Variants in SEL1L3 observed in about 807,000 individuals in gnomAD.
The protein encoded by SEL1L3 is SEL1L family member 3.
A neutral mutation model predicts 142.8 loss-of-function variants in SEL1L3; 76 were observed. The ratio of observed to expected loss-of-function variants is 0.53; its 90% CI spans 0.44 to 0.64. The LOEUF (loss-of-function observed/expected upper bound fraction) is 0.64, where lower values mean the gene tolerates loss of function less well. SEL1L3 is among the 30% of genes least tolerant of loss of function. SEL1L3 has a pLI of 0.00. For missense variants in SEL1L3, 1,262 were observed against 1,381.7 expected (o/e 0.91, Z 1.37); for synonymous variants, 504 against 519.6 (o/e 0.97, Z 0.41).
intron 23 of SEL1L3, chr4:25,756,744 T>C: frequency 8.9e-7 from 1 of 1,127,178 alleles, no homozygotes; most frequent in Non-Finnish European, 1.1e-6. Context: ...ACTTTACGAT[T>C]CCTGCTCAGT....
chr4:25,794,181 A>T (rs1712548551), intron 11 of SEL1L3, among the ~76,000 whole-genome samples: 1 of 152,268 alleles, frequency 6.6e-6, no homozygotes, highest in Admixed American at 6.5e-5. Flanking sequence ...AATGGGATGA[A>T]TTAAACTAAA....
chr4:25,838,205 T>C (rs764124946), intron 2 of SEL1L3, among the ~76,000 whole-genome samples: 1 of 152,212 alleles, frequency 6.6e-6, no homozygotes, highest in Non-Finnish European at 1.5e-5. Flanking sequence ...TTCAAATCCT[T>C]TCCCCACATT....
chr4:25,733,781 C>T, the SEL1L3 span, among the ~76,000 whole-genome samples: 1 of 152,094 alleles, frequency 6.6e-6, no homozygotes, highest in Non-Finnish European at 1.5e-5. Context: ...TCCCAAAGTT[C>T]TGGGATTACC....
intron 17 of SEL1L3, among the ~76,000 whole-genome samples, chr4:25,773,088 C>G (rs938023883): frequency 6.6e-6 from 1 of 152,216 alleles, no homozygotes; most frequent in African/African-American, 2.4e-5. Flanking sequence ...TGCACCACCA[C>G]GCCCAGCAAG....
chr4:25,799,248 C>T (rs9968363), intron 11 of SEL1L3, among the ~76,000 whole-genome samples: 93,636 of 151,804 alleles, frequency 0.62, 29,307 homozygotes, highest in South Asian at 0.76. Context: ...CTAGTTTTTG[C>T]ATTTTTAGTA....
intron 8 of SEL1L3, among the ~76,000 whole-genome samples, chr4:25,819,427 T>G (rs977516526): frequency 6.6e-6 from 1 of 152,226 alleles, no homozygotes; most frequent in African/African-American, 2.4e-5. Flanking sequence ...AAAACAAAAG[T>G]GCACTGATGG....
At chr4:25,715,015 C>T in the SEL1L3 span, among the ~76,000 whole-genome samples, 1 of 152,016 alleles carries the variant, frequency 6.6e-6, no homozygotes, top group African/African-American at 2.4e-5. Context: ...TGGGAACAAC[C>T]ACTACAACTT....
chr4:25,782,526 C>T (rs1720074711), intron 14 of SEL1L3, 108 bp from the exon 15 acceptor site: 2 of 951,218 alleles, frequency 2.1e-6, no homozygotes, highest in Non-Finnish European at 3.1e-6. Flanking sequence ...AAAACCTTCC[C>T]TTTCTCTTAT....
rs971347857 is a variant in SEL1L3, at chr4:25,853,277, C to A, written c.163-5413G>T. On this transcript the variant is annotated intron_variant, in intron 1 of 23. Transcript: ENST00000399878. ...AAATAAAAATAAGAAGGCATATACA[C>A]ATTTCACCGTGTACTCTCCACAGAG... 5.3e-5 allele frequency among the ~76,000 whole-genome samples: 8 copies of A among 152,214 alleles called. No individual in the cohort carries two copies. The East Asian group carries it at 1.3e-3, about 26-fold the overall frequency.
intron 13 of SEL1L3, 21 bp from the exon 14 acceptor site, chr4:25,784,311 A>G: frequency 6.2e-7 from 1 of 1,600,996 alleles, no homozygotes; most frequent in Non-Finnish European, 8.6e-7. Context: ...ATAAACAGCG[A>G]TGATTACAAA....
At chr4:25,759,963 T>A (rs1718265246) in intron 20 of SEL1L3, 1 of 152,222 alleles carries the variant, frequency 6.6e-6, no homozygotes, top group South Asian at 2.1e-4. Context: ...CATGTACAGG[T>A]TTGTCATACA....
At chr4:25,849,882 C>G (rs1484768672) in intron 1 of SEL1L3, among the ~76,000 whole-genome samples, 1 of 152,146 alleles carries the variant, frequency 6.6e-6, no homozygotes, top group Non-Finnish European at 1.5e-5. Context: ...GTGTTCCCAT[C>G]AAACTGTAAA....
At chr4:25,781,865 A>G (rs1280072689) in intron 15 of SEL1L3, among the ~76,000 whole-genome samples, 1 of 152,170 alleles carries the variant, frequency 6.6e-6, no homozygotes, top group East Asian at 1.9e-4. Context: ...ACACCAGGCA[A>G]TCCTATCTGG....
chr4:25,851,169 G>A (rs1400406915), intron 1 of SEL1L3, among the ~76,000 whole-genome samples: 1 of 152,132 alleles, frequency 6.6e-6, no homozygotes, highest in Admixed American at 6.5e-5. Context: ...GAAATTTCAG[G>A]TTTGTTGGAA....
chr4:25,794,603 T>C (rs1056746710), intron 11 of SEL1L3, among the ~76,000 whole-genome samples: 3 of 152,190 alleles, frequency 2.0e-5, no homozygotes, highest in African/African-American at 7.2e-5. Context: ...GGAATACTTT[T>C]ACACTGTTGG....
Position 25,847,749 on chromosome 4 carries a change from A to T in SEL1L3, c.278T>A (p.Val93Asp). Residue 93 changes from valine to aspartate, a missense_variant, in exon 2 of 24, where the codon GTT becomes GAT. This residue lies in a region of SEL1L3 where 689 missense variants were observed against 692.8 expected (regional missense o/e 0.99). Coordinates refer to ENST00000399878, the MANE Select transcript of SEL1L3 (RefSeq NM_015187.5). ...FIYFTVFEGN[V>D]RNVSEVSVEY... is the part of the protein sequence containing the mutation. ...AACCGAGACTTCAGAAACGTTGCGA[A>T]CGTTTCCTTCAAAGACAGTAAAATA... The T allele has an allele frequency of 6.2e-7, 1 of 1,613,986 alleles. No individual in the cohort carries two copies. Among genetic ancestry groups the T allele is most frequent in the Non-Finnish European group, 8.5e-7 (1 of 1,179,870 alleles).
chr4:25,769,208 A>G (rs1329671188), intron 17 of SEL1L3, among the ~76,000 whole-genome samples: 1 of 152,184 alleles, frequency 6.6e-6, no homozygotes, highest in Non-Finnish European at 1.5e-5. Flanking sequence ...AGGGAAGCAG[A>G]TTCTGAAATT....
At chr4:25,756,299 G>A (rs749109801) in intron 23 of SEL1L3, 13 of 985,238 alleles carry the variant, frequency 1.3e-5, no homozygotes, top group Non-Finnish European at 1.6e-5. Context: ...CTGTGGGTGT[G>A]AGTACCTACT....
At chr4:25,785,811 G>A (rs1357981788) in intron 13 of SEL1L3, among the ~76,000 whole-genome samples, 2 of 152,148 alleles carry the variant, frequency 1.3e-5, no homozygotes, top group Non-Finnish European at 2.9e-5. Flanking sequence ...AGTATAATAA[G>A]TTTATCTTCT....
Sources: allele counts gnomAD v4.1 joint callset (sites outside exome capture counted in the v4.1 genomes callset), GRCh38; gene constraint gnomAD v4.1.1; regional missense constraint gnomAD v4.1.1; transcripts MANE v1.5; gene names NCBI Gene and HGNC (gene_info 2026-07-23, HGNC 2026-07-21).